Variants in ARG2 observed in about 807,000 individuals in gnomAD.
The protein encoded by ARG2 is arginase 2.
ARG2 carries 21 observed loss-of-function variants against 39.4 expected under a neutral mutation model. The observed-to-expected ratio is 0.53, with a 90% confidence interval of 0.38 to 0.77. ARG2 has a LOEUF of 0.77. ARG2 is among the 30% of genes least tolerant of loss of function. ARG2 has a pLI of 0.00. For missense variants in ARG2, 378 were observed against 426.2 expected (o/e 0.89, Z 1.00); for synonymous variants, 150 against 156.7 (o/e 0.96, Z 0.32).
Position 67,651,263 on chromosome 14 carries a change from G to A in ARG2, c.*343G>A, listed in dbSNP as rs992336541. The stretch of plus-strand genomic sequence containing the variant: ...CTTTCCTCCCTCCTCCCACAGCCTG[G>A]CTATACAGTGCATCCTTGAACTGTC... On this transcript the variant is annotated 3_prime_UTR_variant, in exon 8 of 8. Coordinates refer to ENST00000261783, the MANE Select transcript of ARG2 (RefSeq NM_001172.4). 1 of 1,571,040 alleles carries A rather than the reference G, an allele frequency of 6.4e-7. No homozygotes were observed. Among genetic ancestry groups the A allele is most frequent in the Non-Finnish European group, 8.6e-7 (1 of 1,159,448 alleles).
At position 67,650,981 on chromosome 14, in the gene ARG2, G is replaced by A; in HGVS notation, c.*61G>A. ...TTCCAGAATTATGAGGCATTGAGGG[G>A]ATAGATGAATACTAAATGGTTGTCT... is the stretch of plus-strand genomic sequence containing the variant. On this transcript the variant is annotated 3_prime_UTR_variant, in exon 8 of 8. Coordinates refer to ENST00000261783, the MANE Select transcript of ARG2 (RefSeq NM_001172.4). 2.7e-6 allele frequency: 4 copies of A among 1,495,108 alleles called. No individual in the cohort carries two copies. In the East Asian group the frequency reaches 6.8e-5, roughly 25 times the overall value. The allele number at this position is 1,495,108 out of a possible 1,614,324, so 92.6% of individuals were successfully genotyped here. A position where few individuals can be genotyped will look rare whatever the true frequency, so the allele number is the denominator to read the frequency against.
At chr14:67,623,987 C>T (rs1276184896) in intron 2 of ARG2, among the ~76,000 whole-genome samples, 1 of 152,132 alleles carries the variant, frequency 6.6e-6, no homozygotes, top group Non-Finnish European at 1.5e-5. Context: ...ACTACAGACA[C>T]ATGCCAGTAT....
intron 1 of ARG2, among the ~76,000 whole-genome samples, chr14:67,620,515 T>G: frequency 6.6e-6 from 1 of 152,104 alleles, no homozygotes; most frequent in East Asian, 1.9e-4. Context: ...ATCCATTCAC[T>G]CAGAATGAGC....
At chr14:67,621,960 A>G (rs2036815221) in intron 2 of ARG2, among the ~76,000 whole-genome samples, 1 of 152,006 alleles carries the variant, frequency 6.6e-6, no homozygotes, top group Non-Finnish European at 1.5e-5. Context: ...AGTCAGGCAT[A>G]GTGGCATGCA....
Position 67,619,952 on chromosome 14 carries a change from C to T in ARG2, c.-26C>T, listed in dbSNP as rs747075673. 23 of 1,518,046 alleles carry T rather than the reference C, an allele frequency of 1.5e-5. No individual in the cohort carries two copies. The highest frequency in any genetic ancestry group is 1.7e-5 in the Non-Finnish European group (19 of 1,119,712). The allele number at this position is 1,518,046 out of a possible 1,614,324, so 94.0% of individuals were successfully genotyped here. A position where few individuals can be genotyped will look rare whatever the true frequency, so the allele number is the denominator to read the frequency against. Reference sequence around the variant, plus strand: ...GCTTCCAACCGCGCGGAGCCTCTGCCTTGGAGATTCTCAGTGCTGCGGATC... The same window carrying T: ...GCTTCCAACCGCGCGGAGCCTCTGCTTTGGAGATTCTCAGTGCTGCGGATC... On this transcript the variant is annotated 5_prime_UTR_variant, in exon 1 of 8. Coordinates refer to ENST00000261783, the MANE Select transcript of ARG2 (RefSeq NM_001172.4).
At chr14:67,639,476 C>A (rs1452899368) in intron 2 of ARG2, among the ~76,000 whole-genome samples, 1 of 152,002 alleles carries the variant, frequency 6.6e-6, no homozygotes, top group South Asian at 2.1e-4. Context: ...GATTATAAAT[C>A]TTTTATAATT....
At chr14:67,646,144 G>A (rs11846250) in intron 4 of ARG2, among the ~76,000 whole-genome samples, 81 of 152,300 alleles carry the variant, frequency 5.3e-4, no homozygotes, top group African/African-American at 1.9e-3. Flanking sequence ...ATTTTCCTGA[G>A]CAGTTCAGAA....
chr14:67,620,476 A>C (rs1291163866), intron 1 of ARG2, among the ~76,000 whole-genome samples: 1 of 152,152 alleles, frequency 6.6e-6, no homozygotes, highest in African/African-American at 2.4e-5. Context: ...GGAGGTTAAA[A>C]GGAGCGACCG....
chr14:67,629,889 A>G (rs1198906770), intron 2 of ARG2, among the ~76,000 whole-genome samples: 1 of 152,250 alleles, frequency 6.6e-6, no homozygotes, highest in Middle Eastern at 3.2e-3. Context: ...TGAGTTGTAC[A>G]TTCTTACAGA....
intron 2 of ARG2, among the ~76,000 whole-genome samples, chr14:67,633,379 A>G (rs1371321297): frequency 6.6e-6 from 1 of 152,068 alleles, no homozygotes; most frequent in Admixed American, 6.5e-5. Flanking sequence ...ATGGCGATGT[A>G]TACTTCATCA....
At chr14:67,650,533 G>GTT in intron 7 of ARG2, 182 bp from the exon 8 acceptor site, 1 of 611,996 alleles carries the variant, frequency 1.6e-6, no homozygotes, top group Admixed American at 2.9e-5. Context: ...GCACAACAGT[G>GTT]TTTTAACTTA....
At position 67,633,805 on chromosome 14, in the gene ARG2, A is replaced by T. The variant is rs558133999; in HGVS notation, c.185-8381A>T. The stretch of plus-strand genomic sequence containing the variant: ...AATTGTGCATTGTTCTATAGGGCTG[A>T]AGGCATTCTCTCCTCCTCAGTAAGC... On this transcript the variant is annotated intron_variant, in intron 2 of 7. Transcript: ENST00000261783. 5.3e-5 allele frequency among the ~76,000 whole-genome samples: 8 copies of T among 152,332 alleles called. No homozygotes were observed. In the South Asian group the frequency reaches 1.7e-3, roughly 32 times the overall value.
At chr14:67,628,713 A>G (rs1310646340) in intron 2 of ARG2, among the ~76,000 whole-genome samples, 1 of 152,234 alleles carries the variant, frequency 6.6e-6, no homozygotes, top group Non-Finnish European at 1.5e-5. Flanking sequence ...GATGGCTACT[A>G]TCAAAACAGA....
chr14:67,623,268 T>C (rs1378715242), intron 2 of ARG2, among the ~76,000 whole-genome samples: 1 of 152,192 alleles, frequency 6.6e-6, no homozygotes, highest in Non-Finnish European at 1.5e-5. Context: ...GTTGCTCTGT[T>C]CCTAAACAGT....
At chr14:67,627,133 T>C (rs189977025) in intron 2 of ARG2, among the ~76,000 whole-genome samples, 40 of 152,214 alleles carry the variant, frequency 2.6e-4, no homozygotes, top group African/African-American at 8.9e-4. Context: ...GTAGTGTCGA[T>C]GGCTGCACAA....
At chr14:67,620,524 G>A (rs2036798449) in intron 1 of ARG2, among the ~76,000 whole-genome samples, 1 of 152,192 alleles carries the variant, frequency 6.6e-6, no homozygotes, top group South Asian at 2.1e-4. Flanking sequence ...CTCAGAATGA[G>A]CATTAACTGG....
intron 1 of ARG2, 62 bp downstream of exon 1, chr14:67,620,150 C>A: frequency 7.9e-7 from 1 of 1,260,140 alleles, no homozygotes; most frequent in Non-Finnish European, 1.1e-6. Context: ...CTGGAGACAG[C>A]GGCGGTAGGG....
chr14:67,639,331 C>T (rs2037005946), intron 2 of ARG2, among the ~76,000 whole-genome samples: 1 of 152,120 alleles, frequency 6.6e-6, no homozygotes, highest in Non-Finnish European at 1.5e-5. Flanking sequence ...TGTATTTCTT[C>T]TTGGTCCTAT....
chr14:67,624,902 C>T lies in ARG2; in HGVS notation c.184+3936C>T, dbSNP rs77971130. ...TTTAACTTGCCCTGTTCCCATGCTG[C>T]CTTTTCCCAGATCAGCTGTAGCCTG... On this transcript the variant is annotated intron_variant, in intron 2 of 7. Transcript: ENST00000261783. 9.8e-5 allele frequency among the ~76,000 whole-genome samples: 15 copies of T among 152,326 alleles called. No homozygotes were observed. In the East Asian group the frequency reaches 2.9e-3, roughly 29 times the overall value.
Sources: allele counts gnomAD v4.1 joint callset (sites outside exome capture counted in the v4.1 genomes callset), GRCh38; gene constraint gnomAD v4.1.1; transcripts MANE v1.5; gene names NCBI Gene and HGNC (gene_info 2026-07-23, HGNC 2026-07-21).